Variants in AIG1 observed in about 807,000 individuals in gnomAD.
AIG1 encodes the protein androgen-induced gene 1 protein.
A neutral mutation model predicts 31.4 loss-of-function variants in AIG1; 23 were observed. The ratio of observed to expected loss-of-function variants is 0.73; its 90% CI spans 0.53 to 1.04. The LOEUF is 1.04. AIG1 is among the 50% of genes least tolerant of loss of function. The pLI, the probability that AIG1 is intolerant of heterozygous loss-of-function variation, is 0.00. For synonymous variants in AIG1, 100 were observed against 110.5 expected (o/e 0.90, Z 0.60); for missense variants, 274 against 295.0 (o/e 0.93, Z 0.52).
At chr6:143,253,163 G>T (rs1795136844) in intron 3 of AIG1, among the ~76,000 whole-genome samples, 1 of 152,212 alleles carries the variant, frequency 6.6e-6, no homozygotes. Context: ...TGAATACCGA[G>T]CACTTGGAAT....
intron 3 of AIG1, chr6:143,187,924 C>T: frequency 2.3e-6 from 3 of 1,332,084 alleles, no homozygotes; most frequent in Non-Finnish European, 2.9e-6. Flanking sequence ...GAATTTTTAA[C>T]CTCCATAAGG....
intron 2 of AIG1, among the ~76,000 whole-genome samples, chr6:143,147,536 G>T (rs1258064902): frequency 6.6e-6 from 1 of 152,040 alleles, no homozygotes; most frequent in Non-Finnish European, 1.5e-5. Flanking sequence ...TTGGCCAGAG[G>T]GTACTGTGAG....
chr6:143,195,141 A>G (rs1163723708), intron 3 of AIG1, among the ~76,000 whole-genome samples: 1 of 152,164 alleles, frequency 6.6e-6, no homozygotes, highest in African/African-American at 2.4e-5. Context: ...GAACTCTGGG[A>G]CCACTCTAAA....
intron 2 of AIG1, among the ~76,000 whole-genome samples, chr6:143,153,940 T>G (rs1291571643): frequency 6.6e-6 from 1 of 151,344 alleles, no homozygotes; most frequent in Non-Finnish European, 1.5e-5. Context: ...ATCTAGTATG[T>G]ACAAAAAATG....
At chr6:143,249,812 T>C (rs897085672) in intron 3 of AIG1, among the ~76,000 whole-genome samples, 4 of 152,106 alleles carry the variant, frequency 2.6e-5, no homozygotes, top group African/African-American at 9.7e-5. Flanking sequence ...AAAGAAAGAA[T>C]GTGATTGGGG....
chr6:143,242,259 G>A (rs1024577572), intron 3 of AIG1, among the ~76,000 whole-genome samples: 2 of 152,196 alleles, frequency 1.3e-5, no homozygotes, highest in African/African-American at 2.4e-5. Flanking sequence ...TGAAGACTGA[G>A]TGGCAGGGTT....
chr6:143,088,264 A>G (rs1439577735), intron 1 of AIG1, among the ~76,000 whole-genome samples: 2 of 140,184 alleles, frequency 1.4e-5, no homozygotes, highest in Non-Finnish European at 3.0e-5. Context: ...AACACTGCAC[A>G]TCTTTTTTTT....
At chr6:143,074,090 T>C (rs1261074773) in intron 1 of AIG1, among the ~76,000 whole-genome samples, 2 of 152,246 alleles carry the variant, frequency 1.3e-5, no homozygotes. Flanking sequence ...AATTGGGTCA[T>C]TTGTTTTTCT....
chr6:143,310,547 T>C (rs1775182298), intron 4 of AIG1, among the ~76,000 whole-genome samples: 1 of 151,348 alleles, frequency 6.6e-6, no homozygotes, highest in South Asian at 2.1e-4. Context: ...GTTTCTAATC[T>C]GATGTAAGAC....
At chr6:143,250,342 T>C (rs1794927192) in intron 3 of AIG1, among the ~76,000 whole-genome samples, 1 of 152,244 alleles carries the variant, frequency 6.6e-6, no homozygotes, top group Admixed American at 6.5e-5. Context: ...GATCTGAGCA[T>C]GGGATAACTA....
chr6:143,174,385 G>T (rs191010470), intron 3 of AIG1, among the ~76,000 whole-genome samples: 36 of 151,542 alleles, frequency 2.4e-4, no homozygotes, highest in Non-Finnish European at 4.9e-4. Flanking sequence ...TACTTGGGAG[G>T]CTGAGGCAGG....
intron 3 of AIG1, among the ~76,000 whole-genome samples, chr6:143,221,136 G>C (rs1792481394): frequency 6.6e-6 from 1 of 152,114 alleles, no homozygotes. Context: ...TTAATTAATA[G>C]TGATATTCTT....
At chr6:143,154,499 A>C (rs1189369221) in intron 2 of AIG1, among the ~76,000 whole-genome samples, 1 of 151,962 alleles carries the variant, frequency 6.6e-6, no homozygotes, top group Non-Finnish European at 1.5e-5. Flanking sequence ...ATAGAGTGAG[A>C]CTCTGTGTAA....
chr6:143,097,740 AG>A (rs1779921843), intron 1 of AIG1, among the ~76,000 whole-genome samples: 1 of 152,182 alleles, frequency 6.6e-6, no homozygotes, highest in South Asian at 2.1e-4. Context: ...TATTAGCCAA[AG>A]GGCATGGTGA....
chr6:143,281,934 A>G (rs183870563), intron 3 of AIG1, among the ~76,000 whole-genome samples: 1 of 152,360 alleles, frequency 6.6e-6, no homozygotes, highest in East Asian at 1.9e-4. Context: ...GATGACACCA[A>G]TGATGAAGTG....
chr6:143,285,635 C>T (rs554048796), intron 4 of AIG1, among the ~76,000 whole-genome samples: 1 of 151,908 alleles, frequency 6.6e-6, no homozygotes, highest in South Asian at 2.1e-4. Flanking sequence ...CTGCACTCCA[C>T]CCTGTCTCAA....
chr6:143,256,415 C>T lies in AIG1; in HGVS notation c.400-27695C>T, dbSNP rs1425441647. ...TATCATAGGCTGGTTTCTGGGGCTA[C>T]AACTTTTACTGTACATTATGCTACT... On this transcript the variant is annotated intron_variant, in intron 3 of 5. Coordinates refer to ENST00000357847, the MANE Select transcript of AIG1 (RefSeq NM_016108.4). The surrounding 1 kb of genome is among the most constrained non-coding windows in gnomAD (Gnocchi z 4.6). Among the ~76,000 whole-genome samples, 2 of 152,332 alleles carry T rather than the reference C, an allele frequency of 1.3e-5. No individual in the cohort carries two copies. The highest frequency in any genetic ancestry group is 2.4e-5 in the African/African-American group (1 of 41,580).
At chr6:143,185,911 A>G (rs1429830076) in intron 3 of AIG1, among the ~76,000 whole-genome samples, 1 of 152,138 alleles carries the variant, frequency 6.6e-6, no homozygotes, top group Non-Finnish European at 1.5e-5. Context: ...TTAATTTTCT[A>G]CATCCTTCAG....
At chr6:143,242,504 G>A (rs1371262129) in intron 3 of AIG1, among the ~76,000 whole-genome samples, 4 of 152,192 alleles carry the variant, frequency 2.6e-5, no homozygotes, top group African/African-American at 4.8e-5. Context: ...AGTACAAAGA[G>A]GTAAAATCAC....
Sources: gnomAD v4.1 joint callset for allele counts (sites outside exome capture counted in the v4.1 genomes callset) on GRCh38, gnomAD v4.1.1 for gene constraint, Gnocchi (gnomAD v3.1) non-coding constraint, MANE v1.5 for transcripts, NCBI Gene and HGNC (gene_info 2026-07-23, HGNC 2026-07-21) for gene names.